Variants in DOCK8 observed in about 807,000 individuals in gnomAD.
DOCK8 encodes dedicator of cytokinesis 8, also known as dedicator of cytokinesis protein 8.
Under a neutral mutation model 245.6 loss-of-function variants are expected in DOCK8, and 141 were observed. The ratio of observed to expected loss-of-function variants is 0.57; its 90% CI spans 0.50 to 0.66. The LOEUF (loss-of-function observed/expected upper bound fraction) is 0.66, where lower values mean the gene tolerates loss of function less well. Ranked by LOEUF, DOCK8 falls within the 30% of genes least tolerant of loss-of-function variation. DOCK8 has a pLI of 0.00. For missense variants in DOCK8, 2,965 were observed against 2,603.4 expected (o/e 1.14, Z -3.02); for synonymous variants, 1,168 against 970.2 (o/e 1.20, Z -3.79).
intron 4 of DOCK8, among the ~76,000 whole-genome samples, chr9:298,454 T>G (rs548001542): frequency 6.6e-6 from 1 of 152,128 alleles, no homozygotes; most frequent in East Asian, 1.9e-4. Flanking sequence ...AAAAAAGAAT[T>G]GATTTTGATT....
intron 25 of DOCK8, among the ~76,000 whole-genome samples, chr9:398,238 C>T (rs369237078): frequency 1.1e-4 from 17 of 152,258 alleles, no homozygotes; most frequent in African/African-American, 3.1e-4. Context: ...TACTGAGTCA[C>T]GTAAGGCACC....
chr9:362,956 T>G (rs1324533137), intron 14 of DOCK8, among the ~76,000 whole-genome samples: 1 of 152,160 alleles, frequency 6.6e-6, no homozygotes, highest in Non-Finnish European at 1.5e-5. Context: ...GAGCAGAGTG[T>G]TTGGTTGATA....
chr9:441,242 C>T (rs2057084651), intron 40 of DOCK8, 44 bp from the exon 41 acceptor site: 1 of 1,613,512 alleles, frequency 6.2e-7, no homozygotes, highest in Non-Finnish European at 8.5e-7. Context: ...TCTTAAGTTT[C>T]CAGTGGATTA....
In DOCK8 at chr9:332,356, T is replaced by C. The variant is rs774620238; in HGVS notation, c.1045-42T>C. On this transcript the variant is annotated intron_variant, in intron 9 of 47. Coordinates refer to ENST00000432829, the MANE Select transcript of DOCK8 (RefSeq NM_203447.4). ...GGTTGCATAGATTCCTTTTTATGGA[T>C]GTAATTTATGTGCCTTATTTTAATA... 25 of 1,353,920 alleles carry C rather than the reference T, an allele frequency of 1.8e-5. 1 individual carries two copies. In the South Asian group the frequency reaches 2.7e-4, roughly 15 times the overall value. The allele number at this position is 1,353,920 out of a possible 1,614,324, so 83.9% of individuals were successfully genotyped here. A position where few individuals can be genotyped will look rare whatever the true frequency, so the allele number is the denominator to read the frequency against.
At chr9:455,843 G>A (rs985369511) in intron 46 of DOCK8, among the ~76,000 whole-genome samples, 1 of 145,182 alleles carries the variant, frequency 6.9e-6, no homozygotes, top group Non-Finnish European at 1.5e-5. Flanking sequence ...ATAAAATTAT[G>A]TGAGAACAAA....
chr9:428,627 C>T, intron 35 of DOCK8, 131 bp downstream of exon 35: 1 of 1,185,686 alleles, frequency 8.4e-7, no homozygotes, highest in Non-Finnish European at 1.2e-6. Flanking sequence ...GGTCTTAAGT[C>T]TTCCTAGGAA....
intron 2 of DOCK8, among the ~76,000 whole-genome samples, chr9:285,176 C>G (rs1353704751): frequency 6.6e-6 from 1 of 152,154 alleles, no homozygotes; most frequent in Non-Finnish European, 1.5e-5. Context: ...TTACGCCACT[C>G]ATGTCTCCTC....
intron 14 of DOCK8, among the ~76,000 whole-genome samples, chr9:361,690 TA>T (rs1388254056): frequency 2.0e-5 from 3 of 152,192 alleles, no homozygotes; most frequent in Non-Finnish European, 4.4e-5. Flanking sequence ...AATCAGCAAA[TA>T]TTTTTTCTTT....
At chr9:251,863 T>C (rs1332607040) in intron 1 of DOCK8, among the ~76,000 whole-genome samples, 17 of 152,156 alleles carry the variant, frequency 1.1e-4, no homozygotes, top group Admixed American at 1.1e-3. Context: ...GATACGCTCA[T>C]GTTACCTAAG....
intron 18 of DOCK8, among the ~76,000 whole-genome samples, chr9:373,092 G>T (rs2053370778): frequency 6.6e-6 from 1 of 152,096 alleles, no homozygotes; most frequent in African/African-American, 2.4e-5. Flanking sequence ...GCTTTAACCT[G>T]GGAAGTGGAG....
At chr9:426,623 G>T (rs1428177694) in intron 33 of DOCK8, among the ~76,000 whole-genome samples, 1 of 152,190 alleles carries the variant, frequency 6.6e-6, no homozygotes, top group Non-Finnish European at 1.5e-5. Flanking sequence ...TCTACCCATA[G>T]TGTTATTTTT....
intron 14 of DOCK8, among the ~76,000 whole-genome samples, chr9:363,704 C>T (rs2131141917): frequency 6.6e-6 from 1 of 152,216 alleles, no homozygotes; most frequent in East Asian, 1.9e-4. Context: ...CTTGAAGTTT[C>T]CTTCCAGCTG....
intron 14 of DOCK8, among the ~76,000 whole-genome samples, chr9:351,227 G>T (rs767997557): frequency 5.9e-5 from 9 of 152,198 alleles, no homozygotes; most frequent in Non-Finnish European, 1.3e-4. Flanking sequence ...CCTTTCTCCA[G>T]AGAGAAGGTT....
chr9:264,414 C>T lies in DOCK8; in HGVS notation c.54-7213C>T, dbSNP rs565126105. Among the ~76,000 whole-genome samples the T allele has an allele frequency of 7.4e-4, 112 of 152,308 alleles. No homozygotes were observed. In the South Asian group the frequency reaches 0.022, roughly 30 times the overall value. On this transcript the variant is annotated intron_variant, in intron 1 of 47. Transcript: ENST00000432829. ...AGTTCCATGCCTTCCAAATAAGGGG[C>T]AAACTTTTCTTTGTAGTCATGTTTC...
In DOCK8 at chr9:451,955, G is replaced by A. The variant is rs560454150; in HGVS notation, c.5962-56G>A. On this transcript the variant is annotated intron_variant, in intron 45 of 47. Coordinates refer to ENST00000432829, the MANE Select transcript of DOCK8 (RefSeq NM_203447.4). ...TGTGTATATATATATGTGTGTGTGTGTATATATATATATATATATATATTT... is the reference window on the plus strand; with the variant it reads ...TGTGTATATATATATGTGTGTGTGTATATATATATATATATATATATATTT... The A allele has an allele frequency of 4.8e-4, 174 of 362,568 alleles. No homozygotes were observed. In the African/African-American group the frequency reaches 5.7e-3, roughly 12 times the overall value. 22.5% of individuals were successfully genotyped at this position (362,568 alleles called of 1,614,324 possible).
intron 12 of DOCK8, 134 bp downstream of exon 12, chr9:336,852 C>G (rs1203775386): frequency 1.9e-6 from 2 of 1,067,920 alleles, no homozygotes; most frequent in African/African-American, 3.1e-5. Context: ...TTTTCTGCTG[C>G]TTATAATAGA....
chr9:341,850 C>T (rs898038849), intron 14 of DOCK8, among the ~76,000 whole-genome samples: 1 of 152,150 alleles, frequency 6.6e-6, no homozygotes, highest in African/African-American at 2.4e-5. Flanking sequence ...CTGAGCTCCT[C>T]CTCCTGTCAG....
At chr9:251,934 C>T (rs2047657411) in intron 1 of DOCK8, among the ~76,000 whole-genome samples, 1 of 150,926 alleles carries the variant, frequency 6.6e-6, no homozygotes, top group South Asian at 2.1e-4. Flanking sequence ...ACTACTTAAC[C>T]AGCACATGGG....
intron 46 of DOCK8, among the ~76,000 whole-genome samples, chr9:453,261 A>G (rs2057524344): frequency 6.6e-6 from 1 of 152,202 alleles, no homozygotes; most frequent in Non-Finnish European, 1.5e-5. Flanking sequence ...GTATTTGTGC[A>G]TGTGTGTGAA....
Sources: gnomAD v4.1 joint callset for allele counts (sites outside exome capture counted in the v4.1 genomes callset) on GRCh38, gnomAD v4.1.1 for gene constraint, MANE v1.5 for transcripts, NCBI Gene and HGNC (gene_info 2026-07-23, HGNC 2026-07-21) for gene names.